Variants in RPSA2 observed in about 807,000 individuals in gnomAD.
RPSA2 encodes the protein ribosomal protein SA 2, also known as small ribosomal subunit protein uS2B.
At chr19:23,804,093 A>G in the RPSA2 span, among the ~76,000 whole-genome samples, 2 of 151,992 alleles carry the variant, frequency 1.3e-5, no homozygotes, top group East Asian at 1.9e-4. Flanking sequence ...TAAACATTGC[A>G]TTAGTACATG....
At chr19:23,784,674 C>A in the RPSA2 span, among the ~76,000 whole-genome samples, 2 of 152,192 alleles carry the variant, frequency 1.3e-5, no homozygotes, top group African/African-American at 2.4e-5. Flanking sequence ...CTTGCATGCA[C>A]ACTCAGACAA....
the RPSA2 span, among the ~76,000 whole-genome samples, chr19:23,820,794 A>G: frequency 5.9e-5 from 9 of 152,228 alleles, no homozygotes; most frequent in Non-Finnish European, 1.2e-4. Context: ...TAGAGCTATC[A>G]GCTCTGCTTT....
chr19:23,790,312 C>T, the RPSA2 span, among the ~76,000 whole-genome samples: 1 of 152,038 alleles, frequency 6.6e-6, no homozygotes, highest in Non-Finnish European at 1.5e-5. Flanking sequence ...TTCTCTTGAA[C>T]AATAATTTTA....
At chr19:23,773,973 A>G in the RPSA2 span, among the ~76,000 whole-genome samples, 307 of 118,566 alleles carry the variant, frequency 2.6e-3, 4 homozygotes, top group Non-Finnish European at 1.2e-3. Flanking sequence ...TAATTGTAAC[A>G]TTTTCAGCAC....
chr19:23,837,358 A>G, the RPSA2 span, among the ~76,000 whole-genome samples: 1 of 82,474 alleles, frequency 1.2e-5, no homozygotes. Context: ...TTATACCAGG[A>G]CCATGCTGTT....
At chr19:23,816,375 A>G in the RPSA2 span, among the ~76,000 whole-genome samples, 1 of 152,152 alleles carries the variant, frequency 6.6e-6, no homozygotes, top group Non-Finnish European at 1.5e-5. Context: ...AGATCCAGTG[A>G]TCAGCCCGCC....
At chr19:23,850,975 C>T in the RPSA2 span, among the ~76,000 whole-genome samples, 1 of 152,128 alleles carries the variant, frequency 6.6e-6, no homozygotes, top group Non-Finnish European at 1.5e-5. Context: ...TGGGAAATTC[C>T]CCATTGTTGC....
At chr19:23,849,410 G>T in the RPSA2 span, among the ~76,000 whole-genome samples, 3 of 152,150 alleles carry the variant, frequency 2.0e-5, no homozygotes, top group Admixed American at 1.3e-4. Flanking sequence ...TCAAAAAGAG[G>T]AAAAGGGTTT....
At chr19:23,804,294 C>CT in the RPSA2 span, among the ~76,000 whole-genome samples, 117,351 of 142,430 alleles carry the variant, frequency 0.82, 47,461 homozygotes, top group South Asian at 0.92. Context: ...CCTCATTTTT[C>CT]TTTTTCTTTT....
chr19:23,758,744 C>A, the RPSA2 span: 1 of 1,614,232 alleles, frequency 6.2e-7, no homozygotes. Flanking sequence ...CCGACATTCT[C>A]ACCATTTCTA....
At chr19:23,778,792 A>G in the RPSA2 span, among the ~76,000 whole-genome samples, 1 of 152,026 alleles carries the variant, frequency 6.6e-6, no homozygotes, top group Admixed American at 6.6e-5. Context: ...TTGGCCTAGC[A>G]CTTATGTGAT....
the RPSA2 span, among the ~76,000 whole-genome samples, chr19:23,770,823 G>T: frequency 6.6e-6 from 1 of 152,120 alleles, no homozygotes; most frequent in Admixed American, 6.6e-5. Context: ...TGGCACTTCT[G>T]CCTTATCCCT....
chr19:23,764,350 C>A, the RPSA2 span, among the ~76,000 whole-genome samples: 1 of 152,228 alleles, frequency 6.6e-6, no homozygotes, highest in Non-Finnish European at 1.5e-5. Flanking sequence ...CAAACAACTT[C>A]CTCTCTCCAA....
At chr19:23,760,348 G>A in the RPSA2 span, among the ~76,000 whole-genome samples, 1 of 152,044 alleles carries the variant, frequency 6.6e-6, no homozygotes. Flanking sequence ...AGGCTTGTAT[G>A]GGTGTATTTG....
chr19:23,834,352 G>A, the RPSA2 span, among the ~76,000 whole-genome samples: 3 of 151,854 alleles, frequency 2.0e-5, no homozygotes, highest in Non-Finnish European at 4.4e-5. Flanking sequence ...AAATGTGAAA[G>A]CATGTGACTA....
the RPSA2 span, chr19:23,832,835 A>C: frequency 6.3e-7 from 1 of 1,576,742 alleles, no homozygotes; most frequent in Non-Finnish European, 8.7e-7. Flanking sequence ...GCTTTCAGCC[A>C]GTCCTCAACC....
At chr19:23,845,834 T>C in the RPSA2 span, among the ~76,000 whole-genome samples, 6 of 146,502 alleles carry the variant, frequency 4.1e-5, no homozygotes, top group Admixed American at 1.4e-4. Context: ...TTTGGGATCA[T>C]GTTGTTTTAA....
chr19:23,865,239 C>T, the RPSA2 span, among the ~76,000 whole-genome samples: 1 of 152,178 alleles, frequency 6.6e-6, no homozygotes, highest in East Asian at 1.9e-4. Context: ...CATGGGGCAG[C>T]ATTTGTCTGT....
chr19:23,854,046 C>T, the RPSA2 span, among the ~76,000 whole-genome samples: 1 of 152,110 alleles, frequency 6.6e-6, no homozygotes, highest in African/African-American at 2.4e-5. Flanking sequence ...CTGCTGGAGC[C>T]CATCCCAGGG....
Sources: allele counts gnomAD v4.1 joint callset (sites outside exome capture counted in the v4.1 genomes callset), GRCh38; gene constraint gnomAD v4.1.1; transcripts MANE v1.5; gene names NCBI Gene and HGNC (gene_info 2026-07-23, HGNC 2026-07-21).